Variants in SIRPD observed in about 807,000 individuals in gnomAD.
SIRPD encodes signal regulatory protein delta.
SIRPD carries 21 observed loss-of-function variants against 18.0 expected under a neutral mutation model. That is an observed-to-expected ratio of 1.17 (90% CI 0.83 to 1.68). SIRPD has a LOEUF of 1.68. Ranked by LOEUF, SIRPD falls within the 40% of genes most tolerant of loss-of-function variation. SIRPD has a pLI of 0.00. For synonymous variants in SIRPD, 106 were observed against 92.9 expected (o/e 1.14, Z -0.81); for missense variants, 295 against 238.4 (o/e 1.24, Z -1.56).
At chr20:1,553,659 G>T (rs1039727483) in intron 1 of SIRPD, among the ~76,000 whole-genome samples, 2 of 152,150 alleles carry the variant, frequency 1.3e-5, no homozygotes, top group Admixed American at 1.3e-4. Context: ...GTTGCACCTT[G>T]CATATCCAGT....
intron 2 of SIRPD, among the ~76,000 whole-genome samples, chr20:1,541,786 T>C (rs770150596): frequency 2.0e-5 from 3 of 152,242 alleles, no homozygotes; most frequent in Admixed American, 2.0e-4. Context: ...TACATTTACA[T>C]CTTTAATTCA....
At chr20:1,552,751 G>A (rs1163505251) in intron 1 of SIRPD, among the ~76,000 whole-genome samples, 2 of 152,050 alleles carry the variant, frequency 1.3e-5, no homozygotes, top group Admixed American at 1.3e-4. Flanking sequence ...ATTAAGCTTG[G>A]TTGTCAAAAC....
chr20:1,539,074 T>A (rs1412974662), intron 2 of SIRPD, among the ~76,000 whole-genome samples: 1 of 152,204 alleles, frequency 6.6e-6, no homozygotes, highest in African/African-American at 2.4e-5. Flanking sequence ...TAATGGATGC[T>A]TTCATTACTG....
chr20:1,536,625 G>T (rs1159217371), intron 3 of SIRPD, among the ~76,000 whole-genome samples: 1 of 152,124 alleles, frequency 6.6e-6, no homozygotes, highest in Non-Finnish European at 1.5e-5. Flanking sequence ...GGACCATTTA[G>T]CAATTTTTTC....
At chr20:1,538,073 C>G (rs1413435541) in intron 2 of SIRPD, among the ~76,000 whole-genome samples, 1 of 152,150 alleles carries the variant, frequency 6.6e-6, no homozygotes, top group Non-Finnish European at 1.5e-5. Context: ...TGAGCAGCAG[C>G]CACCTGCACA....
intron 2 of SIRPD, among the ~76,000 whole-genome samples, chr20:1,541,347 G>T (rs2090970260): frequency 6.6e-6 from 1 of 152,196 alleles, no homozygotes; most frequent in African/African-American, 2.4e-5. Context: ...GCCTGAGATG[G>T]TATCTCACTG....
intron 1 of SIRPD, among the ~76,000 whole-genome samples, chr20:1,553,344 A>C (rs1472695108): frequency 6.6e-6 from 1 of 152,088 alleles, no homozygotes; most frequent in Non-Finnish European, 1.5e-5. Flanking sequence ...ATCACATTCC[A>C]GTTGGTAATG....
intron 3 of SIRPD, among the ~76,000 whole-genome samples, 193 bp from the exon 4 acceptor site, chr20:1,534,634 T>C (rs906481370): frequency 6.6e-6 from 1 of 152,172 alleles, no homozygotes; most frequent in African/African-American, 2.4e-5. Flanking sequence ...TCTCTCTAGA[T>C]GGCAATACAG....
chr20:1,538,946 G>A (rs1040769592), intron 2 of SIRPD, among the ~76,000 whole-genome samples: 1 of 152,140 alleles, frequency 6.6e-6, no homozygotes, highest in African/African-American at 2.4e-5. Context: ...TTGACCTTGT[G>A]TTTTGGGGTG....
At chr20:1,551,500 C>T (rs2123147421) in intron 2 of SIRPD, among the ~76,000 whole-genome samples, 191 bp downstream of exon 2, 1 of 152,316 alleles carries the variant, frequency 6.6e-6, no homozygotes, top group African/African-American at 2.4e-5. Flanking sequence ...ACTCATCACT[C>T]AACCTTTTCA....
At chr20:1,534,485 C>T (rs989071799) in intron 3 of SIRPD, 44 bp from the exon 4 acceptor site, 4 of 1,560,624 alleles carry the variant, frequency 2.6e-6, no homozygotes, top group Non-Finnish European at 3.5e-6. Context: ...ATTTCTCCCT[C>T]CTGCAAGCTA....
intron 1 of SIRPD, among the ~76,000 whole-genome samples, chr20:1,552,241 T>C (rs545424643): frequency 6.6e-6 from 1 of 152,302 alleles, no homozygotes; most frequent in African/African-American, 2.4e-5. Context: ...ACCAGATGTA[T>C]TCCTCCTCAG....
intron 2 of SIRPD, among the ~76,000 whole-genome samples, chr20:1,548,912 AT>A (rs1175074118): frequency 6.6e-6 from 1 of 151,750 alleles, no homozygotes; most frequent in Non-Finnish European, 1.5e-5. Flanking sequence ...TTCTTTGAAT[AT>A]TTTTTTCTGC....
Position 1,544,663 on chromosome 20 carries a change from A to T in SIRPD, c.421+7028T>A, listed in dbSNP as rs150925545. Among the ~76,000 whole-genome samples the T allele has an allele frequency of 4.2e-3, 640 of 152,238 alleles. 4 individuals carry two copies. Among genetic ancestry groups the T allele is most frequent in the Middle Eastern group, 6.8e-3 (2 of 294 alleles). ...GTGTGAATTCGATCCTGTCATTATG[A>T]TGCTAGCTGGTTATGTTGCCCATTA... On this transcript the variant is annotated intron_variant, in intron 2 of 3. Coordinates refer to ENST00000381623, the MANE Select transcript of SIRPD (RefSeq NM_178460.3).
chr20:1,544,423 G>C (rs2090984744), intron 2 of SIRPD, among the ~76,000 whole-genome samples: 1 of 145,484 alleles, frequency 6.9e-6, no homozygotes, highest in Admixed American at 6.9e-5. Context: ...TCAGAGACTA[G>C]GATTGCAACA....
At chr20:1,545,006 C>T (rs1479391500) in intron 2 of SIRPD, among the ~76,000 whole-genome samples, 2 of 152,190 alleles carry the variant, frequency 1.3e-5, no homozygotes, top group Non-Finnish European at 2.9e-5. Flanking sequence ...ATGGGCTTCT[C>T]TTTGTGGGTA....
intron 2 of SIRPD, among the ~76,000 whole-genome samples, chr20:1,538,884 G>C (rs557584524): frequency 3.2e-4 from 49 of 152,262 alleles, no homozygotes; most frequent in African/African-American, 1.2e-3. Context: ...CTTGTACCCT[G>C]TCTGAATTCC....
Position 1,557,642 on chromosome 20 carries a change from A to G in SIRPD, c.12T>C (p.Pro4=). ...GCAGAGGTGGGTGGAGTGGGGAGGC[A>G]GGGATGGGCATTGTGGTGAAACCTG... MPI[P]ASPLHPPLPS... The change falls in exon 1 of 4, where the codon CCT becomes CCC. Residue 4 remains proline, a synonymous_variant. Coordinates refer to ENST00000381623, the MANE Select transcript of SIRPD (RefSeq NM_178460.3). 1 of 1,610,766 alleles carries G rather than the reference A, an allele frequency of 6.2e-7. No individual in the cohort carries two copies. Among genetic ancestry groups the G allele is most frequent in the Non-Finnish European group, 8.5e-7 (1 of 1,178,498 alleles).
chr20:1,557,699 G>C lies in SIRPD; in HGVS notation c.-46C>G. 6.3e-7 allele frequency: 1 copy of C among 1,585,878 alleles called. No individual in the cohort carries two copies. The highest frequency in any genetic ancestry group is 8.6e-7 in the Non-Finnish European group (1 of 1,157,988). On this transcript the variant is annotated 5_prime_UTR_variant, in exon 1 of 4. In the 5' UTR this introduces an upstream ATG that the reference lacks. Coordinates refer to ENST00000381623, the MANE Select transcript of SIRPD (RefSeq NM_178460.3). ...GCTCTGCCTGAATGCCTGTCCTGGA[G>C]ATGCCCTCGACTCAGTGCTCCGAGC...
Sources: allele counts gnomAD v4.1 joint callset (sites outside exome capture counted in the v4.1 genomes callset), GRCh38; gene constraint gnomAD v4.1.1; transcripts MANE v1.5; gene names NCBI Gene and HGNC (gene_info 2026-07-23, HGNC 2026-07-21).